CATSPERT: variants seen among roughly 807,000 people sequenced by gnomAD.
CATSPERT encodes the protein cation channel sperm-associated targeting subunit tau.
the CATSPERT span, among the ~76,000 whole-genome samples, chr2:201,563,522 C>A: frequency 4.0e-5 from 6 of 151,716 alleles, no homozygotes; most frequent in South Asian, 1.3e-3. Context: ...GGGCTCCTCA[C>A]TTCCCAGTAG....
chr2:201,583,959 T>C, the CATSPERT span, among the ~76,000 whole-genome samples: 2 of 152,040 alleles, frequency 1.3e-5, no homozygotes, highest in African/African-American at 2.4e-5. Flanking sequence ...ACTAAAACAA[T>C]TGAATAAAAA....
At chr2:201,612,707 T>A in the CATSPERT span, among the ~76,000 whole-genome samples, 297 of 152,032 alleles carry the variant, frequency 2.0e-3, 4 homozygotes, top group African/African-American at 6.8e-3. Flanking sequence ...TTCATCTCAC[T>A]GGGGCTTGTC....
the CATSPERT span, among the ~76,000 whole-genome samples, chr2:201,581,665 A>G: frequency 7.1e-6 from 1 of 141,736 alleles, no homozygotes; most frequent in African/African-American, 2.7e-5. Flanking sequence ...CTGGAGTGCA[A>G]TGGTGCAATC....
At chr2:201,565,068 G>A in the CATSPERT span, among the ~76,000 whole-genome samples, 3 of 150,894 alleles carry the variant, frequency 2.0e-5, no homozygotes, top group African/African-American at 7.3e-5. Flanking sequence ...AAAATACCCA[G>A]ACTGAAGCAT....
the CATSPERT span, among the ~76,000 whole-genome samples, chr2:201,540,766 G>C: frequency 6.6e-6 from 1 of 152,214 alleles, no homozygotes; most frequent in African/African-American, 2.4e-5. Flanking sequence ...ACAGATCAAG[G>C]AGTAATTTCA....
chr2:201,601,990 C>T, the CATSPERT span: 1 of 786,738 alleles, frequency 1.3e-6, no homozygotes, highest in South Asian at 2.2e-5. Context: ...AAGAATCAAT[C>T]ATGTAGCATT....
chr2:201,503,973 C>T, the CATSPERT span, among the ~76,000 whole-genome samples: 2 of 152,172 alleles, frequency 1.3e-5, no homozygotes, highest in Admixed American at 1.3e-4. Context: ...TCTTTCCACT[C>T]TGGCTGATGA....
the CATSPERT span, among the ~76,000 whole-genome samples, chr2:201,524,385 C>G: frequency 4.6e-5 from 7 of 152,112 alleles, no homozygotes; most frequent in South Asian, 1.5e-3. Flanking sequence ...GCTTCATAAG[C>G]TAAGAGGAAA....
At chr2:201,589,300 C>A in the CATSPERT span, among the ~76,000 whole-genome samples, 1 of 152,108 alleles carries the variant, frequency 6.6e-6, no homozygotes, top group Admixed American at 6.6e-5. Flanking sequence ...ATAACCAAAG[C>A]AATCCTAAGC....
At chr2:201,607,937 C>T in the CATSPERT span, among the ~76,000 whole-genome samples, 1 of 152,120 alleles carries the variant, frequency 6.6e-6, no homozygotes. Context: ...GACTTCCAAG[C>T]CCCAAAACTG....
At chr2:201,588,137 C>G in the CATSPERT span, among the ~76,000 whole-genome samples, 1 of 152,146 alleles carries the variant, frequency 6.6e-6, no homozygotes, top group African/African-American at 2.4e-5. Context: ...GCCTCCCTAA[C>G]TCATTCTATG....
chr2:201,615,540 G>A, the CATSPERT span, among the ~76,000 whole-genome samples: 1 of 152,236 alleles, frequency 6.6e-6, no homozygotes, highest in Non-Finnish European at 1.5e-5. Context: ...CAGAATCTCT[G>A]GGACACATTT....
the CATSPERT span, among the ~76,000 whole-genome samples, chr2:201,539,657 G>A: frequency 1.3e-5 from 2 of 150,940 alleles, no homozygotes; most frequent in African/African-American, 4.9e-5. Flanking sequence ...ATTTATAAAT[G>A]TTGTGTGTGT....
chr2:201,538,456 C>A, the CATSPERT span, among the ~76,000 whole-genome samples: 1 of 152,052 alleles, frequency 6.6e-6, no homozygotes, highest in Non-Finnish European at 1.5e-5. Context: ...GGCAACCTTG[C>A]GTTGAGCAAG....
At chr2:201,567,361 T>C in the CATSPERT span, among the ~76,000 whole-genome samples, 2 of 152,154 alleles carry the variant, frequency 1.3e-5, no homozygotes, top group Admixed American at 6.5e-5. Flanking sequence ...GGGTTGTCCA[T>C]AAAAAGAGAA....
chr2:201,490,016 C>T, the CATSPERT span, among the ~76,000 whole-genome samples: 7 of 151,994 alleles, frequency 4.6e-5, no homozygotes, highest in Non-Finnish European at 8.8e-5. Context: ...ACCACGACAC[C>T]CAGCTAATTT....
the CATSPERT span, among the ~76,000 whole-genome samples, chr2:201,578,896 T>G: frequency 6.6e-6 from 1 of 152,178 alleles, no homozygotes; most frequent in East Asian, 1.9e-4. Flanking sequence ...TCCCAAAATA[T>G]TTTTGAGAAT....
the CATSPERT span, among the ~76,000 whole-genome samples, chr2:201,570,783 T>A: frequency 6.6e-6 from 1 of 152,332 alleles, no homozygotes; most frequent in Middle Eastern, 3.4e-3. Context: ...GAGTCTCTTA[T>A]GGCTCCCTGC....
At chr2:201,612,711 G>A in the CATSPERT span, among the ~76,000 whole-genome samples, 1 of 152,140 alleles carries the variant, frequency 6.6e-6, no homozygotes, top group Non-Finnish European at 1.5e-5. Flanking sequence ...TCTCACTGGG[G>A]CTTGTCAGAC....
Sources: gnomAD v4.1 joint callset for allele counts (sites outside exome capture counted in the v4.1 genomes callset) on GRCh38, gnomAD v4.1.1 for gene constraint, MANE v1.5 for transcripts, NCBI Gene and HGNC (gene_info 2026-07-23, HGNC 2026-07-21) for gene names.